Variants in CRK observed in about 807,000 individuals in gnomAD.
CRK encodes the protein adapter molecule crk.
CRK carries 4 observed loss-of-function variants against 29.8 expected under a neutral mutation model. The ratio of observed to expected loss-of-function variants is 0.13; its 90% CI spans 0.07 to 0.31. The LOEUF (loss-of-function observed/expected upper bound fraction) is 0.31, where lower values mean the gene tolerates loss of function less well. Among genes scored for constraint, CRK ranks in the 10% least tolerant of loss-of-function variants. The probability of loss-of-function intolerance (pLI) is 1.00; values close to 1 mark genes in which losing one functional copy is unlikely to be tolerated. For missense variants in CRK, 274 were observed against 396.5 expected (o/e 0.69, Z 2.62); for synonymous variants, 153 against 164.9 (o/e 0.93, Z 0.55).
At chr17:1,434,666 C>T (rs11650511) in intron 2 of CRK, among the ~76,000 whole-genome samples, 57,174 of 151,574 alleles carry the variant, frequency 0.38, 11,288 homozygotes, top group Non-Finnish European at 0.44. Context: ...GCCTGTAATC[C>T]CAACTACTCA....
chr17:1,440,555 GGACT>G (rs2073927269), intron 1 of CRK, among the ~76,000 whole-genome samples: 1 of 152,092 alleles, frequency 6.6e-6, no homozygotes, highest in Admixed American at 6.6e-5. Flanking sequence ...CAAGGCAGGA[GGACT>G]GATTGAGGCC....
intron 1 of CRK, among the ~76,000 whole-genome samples, chr17:1,451,694 T>A (rs2074019614): frequency 6.6e-6 from 1 of 151,290 alleles, no homozygotes; most frequent in Admixed American, 6.6e-5. Flanking sequence ...GCCACTGCAC[T>A]CCAGTTTGGG....
chr17:1,449,481 G>C (rs1253285664), intron 1 of CRK, among the ~76,000 whole-genome samples: 1 of 152,114 alleles, frequency 6.6e-6, no homozygotes, highest in African/African-American at 2.4e-5. Context: ...AACCCTATGA[G>C]ATCAGTATTA....
chr17:1,451,592 G>A, intron 1 of CRK, among the ~76,000 whole-genome samples: 1 of 152,116 alleles, frequency 6.6e-6, no homozygotes, highest in Admixed American at 6.6e-5. Context: ...GGCTGTATGT[G>A]CCTGTAGTCC....
Position 1,456,013 on chromosome 17 carries a change from G to A in CRK, c.105C>T (p.Phe35=). The A allele has an allele frequency of 1.3e-6, 2 of 1,598,678 alleles. No homozygotes were observed. The highest frequency in any genetic ancestry group is 2.3e-5 in the East Asian group (1 of 42,890). Residue 35 remains phenylalanine (F), a synonymous_variant, in exon 1 of 3, where the codon TTC becomes TTT. Transcript: ENST00000300574. ...GGCTGGTGCTCGAGTCCCGCACCAG[G>A]AACACCCCGTGCCGCTGGCCCTGCA... ...ALLQGQRHGV[F]LVRDSSTSPG...
intron 1 of CRK, among the ~76,000 whole-genome samples, chr17:1,444,862 A>G (rs1411492590): frequency 6.7e-6 from 1 of 149,586 alleles, no homozygotes; most frequent in Admixed American, 6.7e-5. Context: ...AAAGAATGGC[A>G]TAGGGGCCAG....
chr17:1,442,143 C>A, intron 1 of CRK, among the ~76,000 whole-genome samples: 1 of 138,812 alleles, frequency 7.2e-6, no homozygotes, highest in African/African-American at 2.8e-5. Context: ...AGGTGTGAGC[C>A]AGGGCGCCCG....
In CRK at chr17:1,423,123, A is replaced by G. The variant is rs2073743575; in HGVS notation, c.*390T>C. On this transcript the variant is annotated 3_prime_UTR_variant, in exon 3 of 3. Coordinates refer to ENST00000300574, the MANE Select transcript of CRK (RefSeq NM_016823.4). ...ACGGAACAGTCTGTCGCCATTTGAT[A>G]GTATGGTTCCAGAATGAAAACAAAA... 4 of 426,864 alleles carry G rather than the reference A, an allele frequency of 9.4e-6. No homozygotes were observed. The highest frequency in any genetic ancestry group is 3.5e-5 in the East Asian group (1 of 28,902). The allele number at this position is 426,864 out of a possible 1,614,324, so 26.4% of individuals were successfully genotyped here.
intron 1 of CRK, among the ~76,000 whole-genome samples, chr17:1,447,079 G>A (rs887389516): frequency 4.6e-5 from 7 of 152,182 alleles, no homozygotes; most frequent in African/African-American, 1.7e-4. Context: ...AACTCCAGAA[G>A]GAAGGGAGGA....
chr17:1,437,153 C>G lies in CRK; in HGVS notation c.244G>C (p.Val82Leu). 3 of 1,588,002 alleles carry G rather than the reference C, an allele frequency of 1.9e-6. No homozygotes were observed. The highest frequency in any genetic ancestry group is 2.6e-6 in the Non-Finnish European group (3 of 1,167,494). ...PPSPAQPPPG[V>L]SPSRLRIGDQ... The stretch of plus-strand genomic sequence containing the variant: ...CCTATTCGGAGTCTGGAGGGGCTCA[C>G]CCCTGGAAAAAACAGAGCAGGCTGT... Residue 82 changes from valine (V) to leucine (L), a missense_variant and splice_region_variant, in exon 2 of 3, where the codon GTG becomes CTG. Physicochemically the swap from Val to Leu is conservative, Grantham distance 32 (BLOSUM62 1). Coordinates refer to ENST00000300574, the MANE Select transcript of CRK (RefSeq NM_016823.4).
intron 2 of CRK, among the ~76,000 whole-genome samples, chr17:1,429,088 T>C (rs1314238997): frequency 2.6e-5 from 4 of 152,112 alleles, no homozygotes; most frequent in Non-Finnish European, 5.9e-5. Flanking sequence ...CCTCAGGTGA[T>C]CCGCCCACCT....
rs61762263 is a variant in CRK, at chr17:1,455,914, G to C, written c.204C>G (p.Arg68=). Residue 68 remains arginine (R), a synonymous_variant, in exon 1 of 3, where the codon CGC becomes CGG. Coordinates refer to ENST00000300574, the MANE Select transcript of CRK (RefSeq NM_016823.4). The part of the protein sequence containing the change: ...SHYIINSSGP[R]PPVPPSPAQP... ...GGGCGGGCGACGGTGGCACCGGCGG[G>C]CGCGGGCCGCTGCTGTTGATGATGT... 3,087 of 1,583,352 alleles carry C rather than the reference G, an allele frequency of 1.9e-3. 60 individuals carry two copies. The African/African-American group carries it at 0.036, about 19-fold the overall frequency.
Position 1,437,275 on chromosome 17 carries a change from C to T in CRK, c.242-120G>A, listed in dbSNP as rs529524747. The T allele has an allele frequency of 7.3e-6, 8 of 1,098,842 alleles. No homozygotes were observed. The African/African-American group carries it at 1.1e-4, about 15-fold the overall frequency. 68.1% of individuals were successfully genotyped at this position (1,098,842 alleles called of 1,614,324 possible). ...CTATGTTACCCAGGCTGGTCTTGAC[C>T]TCCGGGGCTCAAGTGATCCTCTCAC... On this transcript the variant is annotated intron_variant, in intron 1 of 2. Coordinates refer to ENST00000300574, the MANE Select transcript of CRK (RefSeq NM_016823.4).
chr17:1,455,447 C>G (rs2074048554), intron 1 of CRK, among the ~76,000 whole-genome samples: 1 of 152,228 alleles, frequency 6.6e-6, no homozygotes, highest in Admixed American at 6.5e-5. Flanking sequence ...ACCCGGCTCT[C>G]CAACACGGCA....
intron 1 of CRK, among the ~76,000 whole-genome samples, chr17:1,449,896 A>C (rs1258028064): frequency 6.6e-6 from 1 of 152,142 alleles, no homozygotes; most frequent in East Asian, 1.9e-4. Flanking sequence ...TTCTGTACCC[A>C]TGCCTTTAAA....
intron 1 of CRK, among the ~76,000 whole-genome samples, chr17:1,447,161 C>T (rs199789951): frequency 1.4e-5 from 2 of 139,102 alleles, no homozygotes; most frequent in Admixed American, 1.5e-4. Context: ...CCTTTTCTCT[C>T]TTTCCTCTCC....
chr17:1,436,088 G>C (rs1011317173), intron 2 of CRK, among the ~76,000 whole-genome samples: 1 of 152,182 alleles, frequency 6.6e-6, no homozygotes, highest in Admixed American at 6.6e-5. Flanking sequence ...TCCTCGGAAT[G>C]AGGACTTCTG....
chr17:1,448,373 C>T (rs1189483877), intron 1 of CRK, among the ~76,000 whole-genome samples: 3 of 151,900 alleles, frequency 2.0e-5, no homozygotes, highest in Non-Finnish European at 2.9e-5. Context: ...GCCTGTAATC[C>T]CAGTACTTTG....
chr17:1,453,354 C>G (rs1384936606), intron 1 of CRK, among the ~76,000 whole-genome samples: 2 of 152,188 alleles, frequency 1.3e-5, no homozygotes, highest in African/African-American at 4.8e-5. Context: ...AACCTGCCTG[C>G]TGCCATTTTC....
Sources: gnomAD v4.1 joint callset for allele counts (sites outside exome capture counted in the v4.1 genomes callset) on GRCh38, gnomAD v4.1.1 for gene constraint, MANE v1.5 for transcripts, NCBI Gene and HGNC (gene_info 2026-07-23, HGNC 2026-07-21) for gene names.